NRXN1: variants seen among roughly 807,000 people sequenced by gnomAD.
NRXN1 encodes the protein neurexin-1.
A neutral mutation model predicts 150.9 loss-of-function variants in NRXN1; 39 were observed. The observed-to-expected ratio is 0.26, with a 90% CI of 0.20 to 0.34. The LOEUF (loss-of-function observed/expected upper bound fraction) is 0.34, where lower values mean the gene tolerates loss of function less well. Among genes scored for constraint, NRXN1 ranks in the 10% least tolerant of loss-of-function variants. The pLI, the probability that NRXN1 is intolerant of heterozygous loss-of-function variation, is 1.00. For missense variants in NRXN1, 1,815 were observed against 1,949.9 expected (o/e 0.93, Z 1.30); for synonymous variants, 924 against 757.0 (o/e 1.22, Z -3.62).
At chr2:49,966,913 A>C (rs1180593063) in intron 21 of NRXN1, among the ~76,000 whole-genome samples, 1 of 152,130 alleles carries the variant, frequency 6.6e-6, no homozygotes, top group East Asian at 1.9e-4. Flanking sequence ...TAGAAAGAAA[A>C]AGCAGGTACA....
intron 5 of NRXN1, among the ~76,000 whole-genome samples, chr2:50,763,271 T>A (rs567351695): frequency 6.6e-5 from 10 of 151,986 alleles, no homozygotes; most frequent in Non-Finnish European, 1.3e-4. Flanking sequence ...CTTTGGACTG[T>A]GGATTTTCAA....
intron 9 of NRXN1, among the ~76,000 whole-genome samples, chr2:50,550,679 A>AT (rs1367785329): frequency 3.4e-5 from 5 of 147,872 alleles, no homozygotes; most frequent in African/African-American, 1.0e-4. Context: ...TTTTATTTTT[A>AT]TTTTTTATTT....
intron 17 of NRXN1, among the ~76,000 whole-genome samples, chr2:50,400,032 A>T (rs958169621): frequency 5.3e-5 from 8 of 151,928 alleles, no homozygotes; most frequent in Admixed American, 2.6e-4. Context: ...AGTACAATTA[A>T]CACTTGCCAA....
chr2:50,693,193 G>T (rs888201999), intron 5 of NRXN1, among the ~76,000 whole-genome samples: 4 of 152,194 alleles, frequency 2.6e-5, no homozygotes, highest in African/African-American at 7.2e-5. Flanking sequence ...CCAAAGGAGA[G>T]AATACAAAAG....
intron 17 of NRXN1, among the ~76,000 whole-genome samples, chr2:50,360,324 T>C (rs1250698096): frequency 6.6e-6 from 1 of 152,128 alleles, no homozygotes; most frequent in Non-Finnish European, 1.5e-5. Flanking sequence ...GCAAATTGGA[T>C]AGAGTCAAGA....
chr2:50,484,874 A>G (rs2090751671), intron 15 of NRXN1, among the ~76,000 whole-genome samples: 1 of 137,024 alleles, frequency 7.3e-6, no homozygotes. Flanking sequence ...AAGATTTTTT[A>G]TGGAATAGAA....
chr2:49,929,587 A>G (rs572395396), intron 22 of NRXN1, among the ~76,000 whole-genome samples: 1 of 152,260 alleles, frequency 6.6e-6, no homozygotes, highest in African/African-American at 2.4e-5. Context: ...GAGCCATAAT[A>G]TTATTGCTGT....
rs200986624 is a variant in NRXN1 at position 50,497,313 on chromosome 2, T to C, written c.2879+20A>G. ...TTTCCAAAGTTTTATTTATTTGCTA[T>C]TGAACAGGCATGTACTCACCCTTTA... On this transcript the variant is annotated intron_variant, in intron 14 of 22. Transcript: ENST00000401669. The C allele has an allele frequency of 1.4e-3, 2,074 of 1,442,570 alleles. 3 individuals carry two copies. Among genetic ancestry groups the C allele is most frequent in the Non-Finnish European group, 1.8e-3 (1,961 of 1,098,120 alleles). The allele number at this position is 1,442,570 out of a possible 1,614,324, so 89.4% of individuals were successfully genotyped here.
chr2:50,617,125 T>C (rs562153041), intron 8 of NRXN1, among the ~76,000 whole-genome samples: 8 of 152,116 alleles, frequency 5.3e-5, no homozygotes, highest in Non-Finnish European at 8.8e-5. Context: ...GGATGGAAAC[T>C]ATCAACAACT....
intron 8 of NRXN1, among the ~76,000 whole-genome samples, chr2:50,612,979 A>G (rs1405954009): frequency 6.6e-6 from 1 of 152,250 alleles, no homozygotes; most frequent in African/African-American, 2.4e-5. Context: ...GGACTGAAAT[A>G]CATTTCAATA....
At chr2:50,277,382 G>A (rs371711841) in intron 17 of NRXN1, among the ~76,000 whole-genome samples, 3 of 132,158 alleles carry the variant, frequency 2.3e-5, no homozygotes, top group Non-Finnish European at 4.9e-5. Flanking sequence ...AAAAAGGTCC[G>A]TCCTTCCTTC....
chr2:50,920,153 C>A (rs542635670), intron 5 of NRXN1: 1 of 175,878 alleles, frequency 5.7e-6, no homozygotes, highest in South Asian at 9.7e-5. Context: ...GCTTACTCGT[C>A]CCAATAATAG....
intron 17 of NRXN1, among the ~76,000 whole-genome samples, chr2:50,243,073 A>G (rs1184171715): frequency 6.6e-6 from 1 of 151,816 alleles, no homozygotes; most frequent in Non-Finnish European, 1.5e-5. Context: ...TTACGGTTAG[A>G]TAGGAAGAAT....
intron 21 of NRXN1, among the ~76,000 whole-genome samples, chr2:49,965,425 C>T (rs1438375303): frequency 1.3e-5 from 2 of 151,930 alleles, no homozygotes; most frequent in African/African-American, 4.8e-5. Flanking sequence ...CACCACCACG[C>T]CCAGCTAATT....
At chr2:50,932,925 A>C (rs1687980679) in intron 2 of NRXN1, among the ~76,000 whole-genome samples, 1 of 152,046 alleles carries the variant, frequency 6.6e-6, no homozygotes, top group Non-Finnish European at 1.5e-5. Context: ...TTATTTGTTG[A>C]TTCTATAAAG....
intron 8 of NRXN1, among the ~76,000 whole-genome samples, chr2:50,578,590 T>C (rs1394085125): frequency 6.6e-6 from 1 of 152,182 alleles, no homozygotes; most frequent in Non-Finnish European, 1.5e-5. Context: ...TTTACTTTTA[T>C]ACTCATGTGA....
At chr2:50,706,265 G>T (rs1414563761) in intron 5 of NRXN1, among the ~76,000 whole-genome samples, 1 of 152,038 alleles carries the variant, frequency 6.6e-6, no homozygotes, top group Admixed American at 6.6e-5. Flanking sequence ...TAACTCCAGG[G>T]TACTTTTTGA....
At chr2:50,968,340 A>G (rs1694444507) in intron 2 of NRXN1, among the ~76,000 whole-genome samples, 1 of 152,090 alleles carries the variant, frequency 6.6e-6, no homozygotes, top group African/African-American at 2.4e-5. Context: ...CCATCTTCTC[A>G]GATCTCCTAC....
intron 21 of NRXN1, among the ~76,000 whole-genome samples, chr2:50,004,822 C>G (rs976297550): frequency 9.9e-5 from 15 of 152,166 alleles, no homozygotes; most frequent in African/African-American, 3.1e-4. Context: ...ACATTCATTC[C>G]TTGCTACACG....
Sources: gnomAD v4.1 joint callset for allele counts (sites outside exome capture counted in the v4.1 genomes callset) on GRCh38, gnomAD v4.1.1 for gene constraint, MANE v1.5 for transcripts, NCBI Gene and HGNC (gene_info 2026-07-23, HGNC 2026-07-21) for gene names.